DOCK1: variants seen among roughly 807,000 people sequenced by gnomAD.
The protein encoded by DOCK1 is dedicator of cytokinesis protein 1.
In DOCK1, 138 loss-of-function variants were observed where a neutral mutation model predicts 262.7. That is an observed-to-expected ratio of 0.53 (90% CI 0.46 to 0.61). The LOEUF (loss-of-function observed/expected upper bound fraction) is 0.61. Ranked by LOEUF, DOCK1 falls within the 20% of genes least tolerant of loss-of-function variation. The pLI is 0.00. For missense variants in DOCK1, 1,908 were observed against 2,370.7 expected, an observed-to-expected ratio of 0.80 and a Z score of 4.05; for synonymous variants, 866 against 867.4, an observed-to-expected ratio of 1.00 and a Z score of 0.03.
At chr10:127,386,164 G>A (rs2066106322) in intron 38 of DOCK1, among the ~76,000 whole-genome samples, 1 of 152,158 alleles carries the variant, frequency 6.6e-6, no homozygotes, top group South Asian at 2.1e-4. Flanking sequence ...GCTCACATTT[G>A]GAGTAAGCGA....
intron 27 of DOCK1, among the ~76,000 whole-genome samples, chr10:127,216,383 T>G (rs1052027315): frequency 2.0e-5 from 3 of 151,882 alleles, no homozygotes; most frequent in African/African-American, 7.3e-5. Flanking sequence ...CAGATACTTA[T>G]GGGCAGAGAG....
chr10:127,049,918 G>T (rs771997910), intron 21 of DOCK1, among the ~76,000 whole-genome samples: 1 of 148,254 alleles, frequency 6.7e-6, no homozygotes, highest in Non-Finnish European at 1.5e-5. Flanking sequence ...ATAGACCTTC[G>T]ATTTTGTAAC....
chr10:127,342,939 A>G (rs2063495427), intron 30 of DOCK1, among the ~76,000 whole-genome samples: 1 of 152,190 alleles, frequency 6.6e-6, no homozygotes, highest in Admixed American at 6.5e-5. Context: ...GAGCTTCATA[A>G]TTACATTAAT....
chr10:127,042,566 A>G (rs2044088969), intron 19 of DOCK1, 59 bp from the exon 20 acceptor site: 2 of 1,434,282 alleles, frequency 1.4e-6, no homozygotes, highest in Non-Finnish European at 2.0e-6. Flanking sequence ...TAGTTATTCC[A>G]GTGTGTGGGG....
rs191249038 is a variant in DOCK1, at chr10:127,166,300, C to T, written c.2847+38536C>T. Reference sequence around the variant, plus strand: ...CAGGATGGTCTCGATCTCCTGACCTCGTGATCCACCCACCTCGGCCTCCCA... The same window carrying T: ...CAGGATGGTCTCGATCTCCTGACCTTGTGATCCACCCACCTCGGCCTCCCA... On this transcript the variant is annotated intron_variant, in intron 27 of 51. Transcript: ENST00000623213. Among the ~76,000 whole-genome samples, 19 of 152,142 alleles carry T rather than the reference C, an allele frequency of 1.2e-4. 1 individual carries two copies. Among genetic ancestry groups the T allele is most frequent in the Admixed American group, 3.3e-4 (5 of 15,276 alleles).
intron 38 of DOCK1, among the ~76,000 whole-genome samples, chr10:127,390,229 G>A (rs1038438806): frequency 1.3e-5 from 2 of 152,118 alleles, no homozygotes; most frequent in Non-Finnish European, 2.9e-5. Flanking sequence ...CTGAGCAGCT[G>A]AGCACCAGAG....
intron 2 of DOCK1, among the ~76,000 whole-genome samples, chr10:126,974,004 C>A (rs2038313163): frequency 6.6e-6 from 1 of 152,124 alleles, no homozygotes; most frequent in South Asian, 2.1e-4. Flanking sequence ...TGGTTAATTT[C>A]TCTTTCTTGA....
chr10:127,219,089 C>T (rs527591904), intron 27 of DOCK1, among the ~76,000 whole-genome samples: 1 of 152,194 alleles, frequency 6.6e-6, no homozygotes. Flanking sequence ...GTAGCAAGGA[C>T]TAACTTCTAG....
At chr10:127,077,859 G>T (rs2046661675) in intron 23 of DOCK1, among the ~76,000 whole-genome samples, 1 of 152,070 alleles carries the variant, frequency 6.6e-6, no homozygotes, top group Admixed American at 6.6e-5. Flanking sequence ...CCTGAGCTTT[G>T]AGGGGTGGGT....
At chr10:126,981,508 G>A (rs1381799152) in intron 3 of DOCK1, among the ~76,000 whole-genome samples, 1 of 152,238 alleles carries the variant, frequency 6.6e-6, no homozygotes, top group Non-Finnish European at 1.5e-5. Flanking sequence ...GTCTGGGTAC[G>A]TGGTCAGTGC....
intron 27 of DOCK1, among the ~76,000 whole-genome samples, chr10:127,227,965 AC>A (rs2134518016): frequency 6.6e-6 from 1 of 152,270 alleles, no homozygotes; most frequent in African/African-American, 2.4e-5. Flanking sequence ...CTAAAGTAGG[AC>A]TTTGAACCTT....
chr10:127,365,538 A>T (rs1457533260), intron 33 of DOCK1, among the ~76,000 whole-genome samples: 1 of 152,264 alleles, frequency 6.6e-6, no homozygotes, highest in Non-Finnish European at 1.5e-5. Flanking sequence ...CTATTAAAGA[A>T]TCAGGTTAAG....
chr10:126,937,006 A>G (rs907128972), intron 1 of DOCK1, among the ~76,000 whole-genome samples: 2 of 152,144 alleles, frequency 1.3e-5, no homozygotes, highest in African/African-American at 2.4e-5. Flanking sequence ...TAGGAACTTC[A>G]TAATCAAATG....
chr10:127,345,796 G>A (rs1055861619), intron 31 of DOCK1, among the ~76,000 whole-genome samples: 5 of 152,148 alleles, frequency 3.3e-5, no homozygotes, highest in South Asian at 2.1e-4. Context: ...CAGCAGGGGC[G>A]CAGGCTCCTG....
intron 1 of DOCK1, among the ~76,000 whole-genome samples, chr10:126,924,402 A>C (rs1186561616): frequency 8.3e-6 from 1 of 120,314 alleles, no homozygotes; most frequent in African/African-American, 3.3e-5. Flanking sequence ...GGAGGCTGTG[A>C]GTGCTGGAAC....
At chr10:127,376,780 A>G (rs2065517632) in intron 35 of DOCK1, among the ~76,000 whole-genome samples, 1 of 152,174 alleles carries the variant, frequency 6.6e-6, no homozygotes, top group Non-Finnish European at 1.5e-5. Context: ...AACTTTGATG[A>G]TTGAGACTTT....
intron 23 of DOCK1, among the ~76,000 whole-genome samples, chr10:127,086,624 A>C (rs184744019): frequency 9.5e-4 from 144 of 152,296 alleles, no homozygotes; most frequent in Non-Finnish European, 1.5e-3. Context: ...ATTAAAAAAA[A>C]CTGCTAATAT....
At position 126,905,503 on chromosome 10, in the gene DOCK1, G is replaced by A. The variant is rs2030553806; in HGVS notation, c.-15G>A. On this transcript the variant is annotated 5_prime_UTR_variant, in exon 1 of 52. Transcript: ENST00000623213. Reference sequence around the variant, plus strand: ...CGGAGTTTCCTGCCCGACCCGCGGCGGCTCCGGCGGCGCCATGACGCGCTG... The same window carrying A: ...CGGAGTTTCCTGCCCGACCCGCGGCAGCTCCGGCGGCGCCATGACGCGCTG... 2 of 535,744 alleles carry A rather than the reference G, an allele frequency of 3.7e-6. No homozygotes were observed. The highest frequency in any genetic ancestry group is 4.5e-5 in the South Asian group (2 of 44,742). 33.2% of individuals were successfully genotyped at this position (535,744 alleles called of 1,614,324 possible).
chr10:126,918,922 TGGA>T (rs1490478244), intron 1 of DOCK1, among the ~76,000 whole-genome samples: 2 of 150,070 alleles, frequency 1.3e-5, no homozygotes, highest in Non-Finnish European at 3.0e-5. Flanking sequence ...ACGGAGGATT[TGGA>T]GGAGGAGAAA....
Sources: gnomAD v4.1 joint callset for allele counts (sites outside exome capture counted in the v4.1 genomes callset) on GRCh38, gnomAD v4.1.1 for gene constraint, MANE v1.5 for transcripts, NCBI Gene and HGNC (gene_info 2026-07-23, HGNC 2026-07-21) for gene names.